RALGPS1: variants seen among roughly 807,000 people sequenced by gnomAD.
The protein encoded by RALGPS1 is Ral GEF with PH domain and SH3 binding motif 1, also known as ras-specific guanine nucleotide-releasing factor RalGPS1.
Under a neutral mutation model 78.8 loss-of-function variants are expected in RALGPS1, and 19 were observed. The ratio of observed to expected loss-of-function variants is 0.24; its 90% CI spans 0.17 to 0.35. The LOEUF (loss-of-function observed/expected upper bound fraction) is 0.35, where lower values mean the gene tolerates loss of function less well. Ranked by LOEUF, RALGPS1 falls within the 10% of genes least tolerant of loss-of-function variation. The pLI is 1.00. For synonymous variants in RALGPS1, 228 were observed against 256.3 expected, an observed-to-expected ratio of 0.89 and a Z score of 1.06; for missense variants, 454 against 688.3, an observed-to-expected ratio of 0.66 and a Z score of 3.81.
At chr9:126,941,167 G>A (rs543457978) in intron 1 of RALGPS1, among the ~76,000 whole-genome samples, 4 of 99,722 alleles carry the variant, frequency 4.0e-5, no homozygotes, top group Non-Finnish European at 7.3e-5. Context: ...GTCTAGTTGT[G>A]GGGGGGGGTT....
chr9:127,202,707 G>C (rs977503881), intron 14 of RALGPS1, among the ~76,000 whole-genome samples: 2 of 152,202 alleles, frequency 1.3e-5, no homozygotes, highest in African/African-American at 2.4e-5. Flanking sequence ...CCCAGAATGA[G>C]GACAGGGTGG....
chr9:127,012,867 C>A (rs1356393036), intron 4 of RALGPS1, among the ~76,000 whole-genome samples: 1 of 152,110 alleles, frequency 6.6e-6, no homozygotes, highest in Non-Finnish European at 1.5e-5. Context: ...CAGGCACATA[C>A]CATGTGTAAG....
In RALGPS1 at chr9:127,122,662, T is replaced by TA. The variant is rs1342817643; in HGVS notation, c.611-43406dup. ...ACTCCCAACTCCTTTGTGGAGCCTT[T>TA]ACATGCCGCCAGAGGAAACTGTGAG... is the stretch of plus-strand genomic sequence containing the variant. On this transcript the variant is annotated intron_variant, in intron 8 of 18. Transcript: ENST00000259351. The surrounding 1 kb of genome is among the most constrained non-coding windows in gnomAD (Gnocchi z 6.4). 1 of 152,796 alleles carries TA rather than the reference T, an allele frequency of 6.5e-6. No individual in the cohort carries two copies. Among genetic ancestry groups the TA allele is most frequent in the East Asian group, 1.9e-4 (1 of 5,206 alleles). The allele number at this position is 152,796 out of a possible 1,614,324, so 9.5% of individuals were successfully genotyped here. A position where few individuals can be genotyped will look rare whatever the true frequency, so the allele number is the denominator to read the frequency against.
At chr9:127,107,787 G>A in intron 8 of RALGPS1, 1 of 945,502 alleles carries the variant, frequency 1.1e-6, no homozygotes, top group Non-Finnish European at 1.5e-6. Context: ...AGGGATTGCT[G>A]GGGGATTGTG....
intron 12 of RALGPS1, 142 bp downstream of exon 12, chr9:127,195,359 G>A (rs2061300965): frequency 1.1e-5 from 13 of 1,195,872 alleles, no homozygotes; most frequent in Non-Finnish European, 1.1e-5. Flanking sequence ...TGGAATCCTG[G>A]CCAGTGCGCT....
At chr9:127,061,842 G>T (rs564594581) in intron 7 of RALGPS1, among the ~76,000 whole-genome samples, 1 of 152,186 alleles carries the variant, frequency 6.6e-6, no homozygotes, top group South Asian at 2.1e-4. Flanking sequence ...TCTGCCCACC[G>T]CCAGACCAGA....
At position 127,214,848 on chromosome 9, in the gene RALGPS1, G is replaced by C. The variant is rs766625498; in HGVS notation, c.1644+6G>C. The C allele has an allele frequency of 6.2e-7, 1 of 1,613,186 alleles. No homozygotes were observed. Among genetic ancestry groups the C allele is most frequent in the South Asian group, 1.1e-5 (1 of 90,834 alleles). On this transcript the variant is annotated splice_donor_region_variant and intron_variant, in intron 18 of 18. Transcript: ENST00000259351. ...GTAAAAGCAACAGGCCTCAGGTAAA[G>C]TCATCAAAATCCTGCTTGTCACCTG...
chr9:126,946,512 T>C (rs1217117404), intron 1 of RALGPS1, among the ~76,000 whole-genome samples: 5 of 115,628 alleles, frequency 4.3e-5, no homozygotes, highest in Non-Finnish European at 6.7e-5. Flanking sequence ...CCAGCCTGGG[T>C]GAGGGAGCAA....
chr9:126,961,938 A>G (rs753840583), intron 1 of RALGPS1, among the ~76,000 whole-genome samples: 1 of 152,240 alleles, frequency 6.6e-6, no homozygotes, highest in Admixed American at 6.5e-5. Flanking sequence ...GATGGTCACC[A>G]TACAGTAAAA....
chr9:127,050,644 G>A (rs1255361132), intron 6 of RALGPS1, among the ~76,000 whole-genome samples: 6 of 150,866 alleles, frequency 4.0e-5, no homozygotes, highest in Non-Finnish European at 8.8e-5. Flanking sequence ...TCCTGCCCCC[G>A]GCCTGATAGG....
intron 8 of RALGPS1, among the ~76,000 whole-genome samples, chr9:127,135,693 G>C (rs553575026): frequency 2.0e-5 from 3 of 152,310 alleles, no homozygotes; most frequent in Non-Finnish European, 4.4e-5. Context: ...CCCAAGCCAG[G>C]CTCTGCTAGA....
intron 9 of RALGPS1, 33 bp downstream of exon 9, chr9:127,166,239 TTA>T: frequency 6.2e-7 from 1 of 1,607,998 alleles, no homozygotes; most frequent in Middle Eastern, 1.7e-4. Context: ...TTGTGAAATC[TTA>T]CGTCATTGAA....
intron 11 of RALGPS1, chr9:127,184,260 C>T (rs1439964207): frequency 1.4e-5 from 7 of 489,250 alleles, no homozygotes; most frequent in Admixed American, 3.3e-5. Context: ...GGGGAGGCTA[C>T]AGTGAGCCGT....
At chr9:127,121,870 C>T (rs2056130432) in intron 8 of RALGPS1, among the ~76,000 whole-genome samples, 1 of 152,178 alleles carries the variant, frequency 6.6e-6, no homozygotes, top group African/African-American at 2.4e-5. Context: ...GCCTTTGCCT[C>T]ACATTGTCCC....
intron 11 of RALGPS1, among the ~76,000 whole-genome samples, chr9:127,190,685 C>T (rs957154779): frequency 2.0e-5 from 3 of 152,148 alleles, no homozygotes; most frequent in East Asian, 1.9e-4. Flanking sequence ...TTTGCAATGA[C>T]GCACAATGCT....
chr9:126,974,734 C>T (rs1346792480), intron 3 of RALGPS1, among the ~76,000 whole-genome samples: 1 of 152,082 alleles, frequency 6.6e-6, no homozygotes, highest in Non-Finnish European at 1.5e-5. Context: ...CGAGTGTTCT[C>T]GCTCAGCCCC....
chr9:127,142,896 A>G (rs2057875026), intron 8 of RALGPS1, among the ~76,000 whole-genome samples: 1 of 152,228 alleles, frequency 6.6e-6, no homozygotes, highest in Admixed American at 6.5e-5. Flanking sequence ...ATTAGAAGAA[A>G]GTTATATCTT....
intron 8 of RALGPS1, among the ~76,000 whole-genome samples, chr9:127,157,358 C>T (rs757545774): frequency 2.1e-4 from 32 of 152,104 alleles, no homozygotes; most frequent in South Asian, 6.2e-4. Context: ...ACCTGAATTA[C>T]CAAAGTGTTA....
chr9:127,138,806 G>C (rs1482929014), intron 8 of RALGPS1, among the ~76,000 whole-genome samples: 1 of 152,138 alleles, frequency 6.6e-6, no homozygotes, highest in Non-Finnish European at 1.5e-5. Context: ...TGCAGGAAAA[G>C]CCTGATGTGA....
Sources: allele counts gnomAD v4.1 joint callset (sites outside exome capture counted in the v4.1 genomes callset), GRCh38; gene constraint gnomAD v4.1.1; non-coding constraint Gnocchi (gnomAD v3.1); transcripts MANE v1.5; gene names NCBI Gene and HGNC (gene_info 2026-07-23, HGNC 2026-07-21).